TMEM132B: variants seen among roughly 807,000 people sequenced by gnomAD.
TMEM132B encodes the protein transmembrane protein 132B.
Under a neutral mutation model 90.8 loss-of-function variants are expected in TMEM132B, and 18 were observed. That is an observed-to-expected ratio of 0.20 (90% confidence interval 0.14 to 0.29). The LOEUF (loss-of-function observed/expected upper bound fraction) is 0.29. Ranked by LOEUF, TMEM132B falls within the 10% of genes least tolerant of loss-of-function variation. The pLI is 1.00. For synonymous variants in TMEM132B, 504 were observed against 523.3 expected, an observed-to-expected ratio of 0.96 and a Z score of 0.50; for missense variants, 1,096 against 1,326.8, an observed-to-expected ratio of 0.83 and a Z score of 2.70.
intron 1 of TMEM132B, among the ~76,000 whole-genome samples, chr12:125,346,448 A>C (rs1308472941): frequency 6.6e-6 from 1 of 152,216 alleles, no homozygotes; most frequent in African/African-American, 2.4e-5. Flanking sequence ...GCCCAGCTGA[A>C]AGATATTGTG....
At chr12:125,418,222 T>G (rs895212039) in intron 3 of TMEM132B, among the ~76,000 whole-genome samples, 4 of 152,096 alleles carry the variant, frequency 2.6e-5, no homozygotes, top group African/African-American at 9.7e-5. Flanking sequence ...TATCACTTTT[T>G]GGTTCTGTGA....
intron 3 of TMEM132B, among the ~76,000 whole-genome samples, chr12:125,425,565 C>A (rs139161381): frequency 6.6e-6 from 1 of 152,144 alleles, no homozygotes; most frequent in African/African-American, 2.4e-5. Context: ...CAGGATAGCT[C>A]CACTACCCTA....
chr12:125,335,437 G>T (rs1255981305), intron 1 of TMEM132B, among the ~76,000 whole-genome samples: 1 of 152,194 alleles, frequency 6.6e-6, no homozygotes, highest in Non-Finnish European at 1.5e-5. Context: ...CCCTGGCTGA[G>T]CCAATAAGAA....
chr12:125,393,759 G>T (rs1879094044), intron 2 of TMEM132B, among the ~76,000 whole-genome samples: 1 of 152,212 alleles, frequency 6.6e-6, no homozygotes, highest in Non-Finnish European at 1.5e-5. Context: ...GCCCAAGGAG[G>T]CGGAGACAGG....
At chr12:125,361,007 A>G (rs1369408717) in intron 2 of TMEM132B, among the ~76,000 whole-genome samples, 1 of 152,128 alleles carries the variant, frequency 6.6e-6, no homozygotes, top group African/African-American at 2.4e-5. Context: ...TGTGAAGAGT[A>G]AATGAGATAA....
intron 4 of TMEM132B, among the ~76,000 whole-genome samples, chr12:125,534,334 T>C (rs956542893): frequency 1.5e-4 from 23 of 152,236 alleles, no homozygotes; most frequent in African/African-American, 5.5e-4. Context: ...CTGGGAAACA[T>C]AGTGAGACTC....
At chr12:125,364,534 A>C (rs1343403703) in intron 2 of TMEM132B, among the ~76,000 whole-genome samples, 1 of 152,146 alleles carries the variant, frequency 6.6e-6, no homozygotes, top group East Asian at 1.9e-4. Flanking sequence ...ATTATTAGCT[A>C]GGATTTGATA....
intron 4 of TMEM132B, among the ~76,000 whole-genome samples, chr12:125,579,820 A>G (rs1293037512): frequency 6.6e-6 from 1 of 152,144 alleles, no homozygotes; most frequent in African/African-American, 2.4e-5. Flanking sequence ...TGTATGGACC[A>G]TATTTTCTTG....
At chr12:125,547,606 A>T (rs1476714601) in intron 4 of TMEM132B, among the ~76,000 whole-genome samples, 1 of 152,198 alleles carries the variant, frequency 6.6e-6, no homozygotes, top group Non-Finnish European at 1.5e-5. Flanking sequence ...TAACTTGTCT[A>T]GACTTAAACC....
At chr12:125,649,031 C>T (rs1454843067) in intron 6 of TMEM132B, among the ~76,000 whole-genome samples, 4 of 152,144 alleles carry the variant, frequency 2.6e-5, no homozygotes, top group African/African-American at 9.7e-5. Flanking sequence ...ATGGGAATAA[C>T]TTTTCAGTAT....
intron 5 of TMEM132B, among the ~76,000 whole-genome samples, chr12:125,607,083 G>T (rs1027139120): frequency 4.6e-5 from 7 of 152,114 alleles, no homozygotes; most frequent in Non-Finnish European, 7.4e-5. Context: ...GTGAGCTCCG[G>T]TACAGCCTGC....
At chr12:125,299,583 G>A (rs1208063047) in intron 1 of TMEM132B, among the ~76,000 whole-genome samples, 1 of 152,330 alleles carries the variant, frequency 6.6e-6, no homozygotes, top group East Asian at 1.9e-4. Flanking sequence ...GCCCCATGCA[G>A]CCTGTGCATC....
At chr12:125,555,822 T>C (rs948450412) in intron 4 of TMEM132B, among the ~76,000 whole-genome samples, 2 of 152,216 alleles carry the variant, frequency 1.3e-5, no homozygotes, top group African/African-American at 4.8e-5. Context: ...AGTTTCTCCG[T>C]TGACGTTTAT....
At chr12:125,269,831 CTTTGTT>C (rs1389075779) in intron 1 of TMEM132B, among the ~76,000 whole-genome samples, 1 of 152,158 alleles carries the variant, frequency 6.6e-6, no homozygotes, top group Non-Finnish European at 1.5e-5. Context: ...GCAAAACCCT[CTTTGTT>C]TCCAGTTCCT....
In TMEM132B at chr12:125,447,619, C is replaced by T. The variant is rs548918991; in HGVS notation, c.1106+31942C>T. 9.5e-4 allele frequency among the ~76,000 whole-genome samples: 145 copies of T among 152,100 alleles called. 1 individual carries two copies. The highest frequency in any genetic ancestry group is 3.4e-3 in the African/African-American group (143 of 41,506). On this transcript the variant is annotated intron_variant, in intron 3 of 8. Transcript: ENST00000682704. ...TTCTTTTTTGCCTCTTTCTTTCTTC[C>T]TACATCTCTAATCATCTGGGTTCAC...
rs187132615 is a variant in TMEM132B at position 125,222,546 on chromosome 12, C to G, written c.67+35680C>G. Among the ~76,000 whole-genome samples the G allele has an allele frequency of 3.9e-5, 6 of 152,324 alleles. No individual in the cohort carries two copies. In the East Asian group the frequency reaches 1.2e-3, roughly 29 times the overall value. On this transcript the variant is annotated intron_variant, in intron 1 of 8. Transcript: ENST00000682704. Reference sequence around the variant, plus strand: ...ACTTTCTGAACATTTGTTCTTGGAACTGCTTCAGGTATTTGCCTGGGAATT... The same window carrying G: ...ACTTTCTGAACATTTGTTCTTGGAAGTGCTTCAGGTATTTGCCTGGGAATT...
At chr12:125,560,831 CAA>C (rs58083131) in intron 4 of TMEM132B, among the ~76,000 whole-genome samples, 217 of 29,200 alleles carry the variant, frequency 7.4e-3, no homozygotes, top group African/African-American at 0.038. Context: ...GACTCTGTCT[CAA>C]AAAAAAAAAA....
chr12:125,644,398 C>T (rs186365570), intron 6 of TMEM132B, 117 bp downstream of exon 6: 57 of 1,138,382 alleles, frequency 5.0e-5, no homozygotes, highest in Non-Finnish European at 6.6e-5. Context: ...CAGCGGGAAG[C>T]GTGGTCTGGG....
At chr12:125,531,615 G>C (rs1883648591) in intron 4 of TMEM132B, among the ~76,000 whole-genome samples, 1 of 152,218 alleles carries the variant, frequency 6.6e-6, no homozygotes. Context: ...ACATTTGGCA[G>C]TTGGTATCTA....
Sources: allele counts gnomAD v4.1 joint callset (sites outside exome capture counted in the v4.1 genomes callset), GRCh38; gene constraint gnomAD v4.1.1; transcripts MANE v1.5; gene names NCBI Gene and HGNC (gene_info 2026-07-23, HGNC 2026-07-21).